Variants in PTPRM observed in about 807,000 individuals in gnomAD.
The protein encoded by PTPRM is protein tyrosine phosphatase receptor type M, also known as receptor-type tyrosine-protein phosphatase mu.
PTPRM carries 47 observed loss-of-function variants against 186.7 expected under a neutral mutation model. That is an observed-to-expected ratio of 0.25 (90% CI 0.20 to 0.32). The LOEUF is 0.32. Ranked by LOEUF, PTPRM falls within the 10% of genes least tolerant of loss-of-function variation. PTPRM has a pLI of 1.00. For missense variants in PTPRM, 1,494 were observed against 1,865.0 expected (o/e 0.80, Z 3.66); for synonymous variants, 668 against 674.9 (o/e 0.99, Z 0.16).
In PTPRM at chr18:8,044,173, A is replaced by C. The variant is rs149650840; in HGVS notation, c.1133-25513A>C. ...TATAGGCCAGGGTTGAGGCCTAGTC[A>C]ACAAGAGAGCTCATTGGGGCCTGAC... On this transcript the variant is annotated intron_variant, in intron 7 of 32. Transcript: ENST00000580170. 3.0e-3 allele frequency among the ~76,000 whole-genome samples: 456 copies of C among 152,330 alleles called. 8 individuals carry two copies. The highest frequency in any genetic ancestry group is 0.01 in the African/African-American group (429 of 41,586).
chr18:8,290,912 A>G lies in PTPRM; in HGVS notation c.2755-5456A>G, dbSNP rs1203727418. Among the ~76,000 whole-genome samples the G allele has an allele frequency of 2.6e-5, 4 of 152,246 alleles. No individual in the cohort carries two copies. In the South Asian group the frequency reaches 6.2e-4, roughly 24 times the overall value. ...GTGTTTTTTTCATAATAGGAAGTTC[A>G]TAGTTGGTGTGTTAAATTATACCTG... On this transcript the variant is annotated intron_variant, in intron 19 of 32. Coordinates refer to ENST00000580170, the MANE Select transcript of PTPRM (RefSeq NM_001105244.2).
At chr18:7,747,789 A>G (rs1408769525) in intron 1 of PTPRM, 1 of 152,204 alleles carries the variant, frequency 6.6e-6, no homozygotes, top group Non-Finnish European at 1.5e-5. Flanking sequence ...ATTTTTAAAT[A>G]AGACCTGATT....
chr18:8,312,135 T>C (rs1182820571), intron 20 of PTPRM, among the ~76,000 whole-genome samples: 1 of 152,062 alleles, frequency 6.6e-6, no homozygotes, highest in South Asian at 2.1e-4. Context: ...GTGTGTGGAG[T>C]AGCCGTGATT....
intron 11 of PTPRM, 96 bp from the exon 12 acceptor site, chr18:8,113,390 T>C (rs560339845): frequency 8.6e-7 from 1 of 1,160,660 alleles, no homozygotes; most frequent in Non-Finnish European, 1.2e-6. Context: ...CAGTGTGTTC[T>C]TTATTTTGCG....
rs549936997 is a variant in PTPRM at position 8,230,470 on chromosome 18, G to A, written c.2301-13588G>A. On this transcript the variant is annotated intron_variant, in intron 14 of 32. Coordinates refer to ENST00000580170, the MANE Select transcript of PTPRM (RefSeq NM_001105244.2). ...GATGCCAATAGATTCCAGATTCCCA[G>A]GATCATTTTATCTCAACATGGGAAA... Among the ~76,000 whole-genome samples the A allele has an allele frequency of 4.7e-4, 72 of 152,292 alleles. No individual in the cohort carries two copies. The South Asian group carries it at 9.7e-3, about 21-fold the overall frequency.
intron 7 of PTPRM, among the ~76,000 whole-genome samples, chr18:7,983,547 G>A (rs1315530980): frequency 6.6e-6 from 1 of 152,024 alleles, no homozygotes; most frequent in African/African-American, 2.4e-5. Flanking sequence ...TTTGTCTCTG[G>A]CTTTCTCATC....
intron 1 of PTPRM, among the ~76,000 whole-genome samples, chr18:7,602,569 A>G (rs1003114609): frequency 4.6e-5 from 7 of 151,986 alleles, no homozygotes; most frequent in African/African-American, 1.4e-4. Flanking sequence ...CTGCAACTAT[A>G]GGCACATGCC....
chr18:8,227,610 A>G lies in PTPRM; in HGVS notation c.2301-16448A>G, dbSNP rs1049942849. Among the ~76,000 whole-genome samples the G allele has an allele frequency of 2.0e-5, 3 of 152,316 alleles. No homozygotes were observed. In the East Asian group the frequency reaches 5.8e-4, roughly 29 times the overall value. ...CAGTGGCTTGCCTTGTTTCTATTAC[A>G]TAGAGACATTCCAGAATTTTTTAGC... On this transcript the variant is annotated intron_variant, in intron 14 of 32. Transcript: ENST00000580170.
chr18:8,157,194 C>A (rs1465245805), intron 14 of PTPRM, among the ~76,000 whole-genome samples: 1 of 152,156 alleles, frequency 6.6e-6, no homozygotes, highest in African/African-American at 2.4e-5. Flanking sequence ...CCAGCTATTC[C>A]AAGGGCATAA....
At position 7,790,909 on chromosome 18, in the gene PTPRM, T is replaced by A. The variant is rs531280655; in HGVS notation, c.196+16638T>A. Among the ~76,000 whole-genome samples, 1,181 of 147,444 alleles carry A rather than the reference T, an allele frequency of 8.0e-3. 19 individuals carry two copies. The highest frequency in any genetic ancestry group is 0.026 in the African/African-American group (1,072 of 40,686). Reference sequence around the variant, plus strand: ...AATAATTGAAAATGAAAGTTGGTTTTAAAAAAAAAAACACATATGCAAAAT... The same window carrying A: ...AATAATTGAAAATGAAAGTTGGTTTAAAAAAAAAAAACACATATGCAAAAT... On this transcript the variant is annotated intron_variant, in intron 2 of 32. Transcript: ENST00000580170.
chr18:7,972,768 A>G (rs1168260422), intron 7 of PTPRM, among the ~76,000 whole-genome samples: 2 of 152,154 alleles, frequency 1.3e-5, no homozygotes, highest in African/African-American at 4.8e-5. Context: ...CAAAAAATAT[A>G]GAAGTATATG....
chr18:8,376,124 A>G lies in PTPRM; in HGVS notation c.3250A>G (p.Thr1084Ala). ...GGATCATGGGGTCCCCTACCATGCC[A>G]CCGGCCTGCTGGGATTCGTGCGGCA... ...WPDHGVPYHA[T>A]GLLGFVRQVK... Residue 1084 changes from threonine (T) to alanine (A), a missense_variant, in exon 25 of 33, where the codon ACC becomes GCC. Coordinates refer to ENST00000580170, the MANE Select transcript of PTPRM (RefSeq NM_001105244.2). The G allele has an allele frequency of 6.2e-7, 1 of 1,614,034 alleles. No individual in the cohort carries two copies. The highest frequency in any genetic ancestry group is 8.5e-7 in the Non-Finnish European group (1 of 1,180,016).
At chr18:8,301,977 G>A (rs563845814) in intron 20 of PTPRM, among the ~76,000 whole-genome samples, 235 of 152,350 alleles carry the variant, frequency 1.5e-3, no homozygotes, top group Admixed American at 2.2e-3. Context: ...CTGTGCTGCC[G>A]GAGCAGCGGG....
chr18:8,121,988 C>G (rs1230340178), intron 13 of PTPRM: 1 of 152,058 alleles, frequency 6.6e-6, no homozygotes, highest in Non-Finnish European at 1.5e-5. Flanking sequence ...TATCCAAGAT[C>G]TCAGCCAAAC....
chr18:8,093,772 C>T (rs953530784), intron 11 of PTPRM, among the ~76,000 whole-genome samples: 7 of 152,220 alleles, frequency 4.6e-5, no homozygotes, highest in South Asian at 4.1e-4. Context: ...ACAAGCAAAA[C>T]GGTCTTCTGT....
intron 1 of PTPRM, among the ~76,000 whole-genome samples, chr18:7,570,763 T>G (rs938076792): frequency 6.6e-5 from 10 of 152,168 alleles, no homozygotes; most frequent in Admixed American, 5.9e-4. Context: ...CCTGTCCTCT[T>G]TTGGAATGGG....
chr18:8,242,697 C>T (rs1289269375), intron 14 of PTPRM, among the ~76,000 whole-genome samples: 2 of 152,180 alleles, frequency 1.3e-5, no homozygotes, highest in Non-Finnish European at 2.9e-5. Flanking sequence ...CTTCTGCCTT[C>T]AAAGTATGAA....
chr18:7,864,999 G>T (rs2047604663), intron 2 of PTPRM, among the ~76,000 whole-genome samples: 1 of 152,114 alleles, frequency 6.6e-6, no homozygotes, highest in South Asian at 2.1e-4. Flanking sequence ...CTCTCTGTTT[G>T]TCTATTATTG....
chr18:7,689,235 T>C lies in PTPRM; in HGVS notation c.74-84914T>C, dbSNP rs144981770. On this transcript the variant is annotated intron_variant, in intron 1 of 32. Transcript: ENST00000580170. ...GTTTGTATCAATCAATCAAAAACTT[T>C]GTGTCAATGCAGAGAAGATAAGTTA... 1.5e-4 allele frequency among the ~76,000 whole-genome samples: 23 copies of C among 152,324 alleles called. No individual in the cohort carries two copies. The East Asian group carries it at 4.2e-3, about 28-fold the overall frequency.
Sources: gnomAD v4.1 joint callset for allele counts (sites outside exome capture counted in the v4.1 genomes callset) on GRCh38, gnomAD v4.1.1 for gene constraint, MANE v1.5 for transcripts, NCBI Gene and HGNC (gene_info 2026-07-23, HGNC 2026-07-21) for gene names.